Variants in PKP4 observed in about 807,000 individuals in gnomAD.
The protein encoded by PKP4 is plakophilin-4.
Under a neutral mutation model 145.1 loss-of-function variants are expected in PKP4, and 90 were observed. The observed-to-expected ratio is 0.62, with a 90% confidence interval of 0.52 to 0.74. The LOEUF (loss-of-function observed/expected upper bound fraction) is 0.74. Ranked by LOEUF, PKP4 falls within the 30% of genes least tolerant of loss-of-function variation. The pLI is 0.00. For synonymous variants in PKP4, 563 were observed against 577.2 expected (o/e 0.98, Z 0.35); for missense variants, 1,340 against 1,482.7 (o/e 0.90, Z 1.58).
At chr2:158,502,393 G>A (rs1574139269) in intron 1 of PKP4, among the ~76,000 whole-genome samples, 1 of 152,256 alleles carries the variant, frequency 6.6e-6, no homozygotes, top group East Asian at 1.9e-4. Context: ...TTCCAAAGAA[G>A]TTAGAGCCCT....
At chr2:158,535,738 T>A (rs1236169066) in intron 2 of PKP4, among the ~76,000 whole-genome samples, 2 of 152,110 alleles carry the variant, frequency 1.3e-5, no homozygotes, top group South Asian at 2.1e-4. Flanking sequence ...ATTATTTTTT[T>A]AAAAAGCGTC....
At chr2:158,659,256 T>C (rs567178331) in intron 12 of PKP4, 1 of 152,648 alleles carries the variant, frequency 6.6e-6, no homozygotes, top group East Asian at 1.9e-4. Context: ...GATCCCAGAA[T>C]GCAGGCCAGC....
chr2:158,640,856 A>G, intron 10 of PKP4, 97 bp downstream of exon 10: 2 of 1,317,426 alleles, frequency 1.5e-6, no homozygotes, highest in South Asian at 1.3e-5. Context: ...AGTGTAATTC[A>G]AGAGTCTTTT....
In PKP4 at chr2:158,642,613, T is replaced by G. The variant is rs374740305; in HGVS notation, c.1823T>G (p.Ile608Arg). The change falls in exon 11 of 22, where the codon ATA (isoleucine) becomes AGA (arginine). Residue 608 changes from isoleucine (I) to arginine (R), a missense_variant. Transcript: ENST00000389759. Reference protein sequence around the residue: ...VFGKSTDENKIAMKNVGGIPA... With the variant: ...VFGKSTDENKRAMKNVGGIPA... ...GGCAAGTCTACAGATGAAAATAAAA[T>G]AGCAATGAAGAATGTTGGTGGGATA... 1 of 1,613,642 alleles carries G rather than the reference T, an allele frequency of 6.2e-7. No individual in the cohort carries two copies. The highest frequency in any genetic ancestry group is 1.1e-5 in the South Asian group (1 of 91,022).
At chr2:158,460,723 G>A (rs1294403635) in intron 1 of PKP4, among the ~76,000 whole-genome samples, 1 of 152,186 alleles carries the variant, frequency 6.6e-6, no homozygotes, top group Non-Finnish European at 1.5e-5. Context: ...TTACTATAGG[G>A]TTATTTTAGG....
At chr2:158,495,362 AAAAC>A (rs1470117015) in intron 1 of PKP4, among the ~76,000 whole-genome samples, 41 of 147,442 alleles carry the variant, frequency 2.8e-4, no homozygotes, top group Non-Finnish European at 5.0e-4. Context: ...AAAAAAAAAA[AAAAC>A]AACAAAGCCC....
At chr2:158,552,440 A>G (rs2045713649) in intron 2 of PKP4, among the ~76,000 whole-genome samples, 1 of 152,202 alleles carries the variant, frequency 6.6e-6, no homozygotes, top group African/African-American at 2.4e-5. Context: ...CAAATACCTA[A>G]AAATGTGGAA....
At chr2:158,502,242 G>T (rs185665534) in intron 1 of PKP4, among the ~76,000 whole-genome samples, 1 of 152,182 alleles carries the variant, frequency 6.6e-6, no homozygotes, top group Admixed American at 6.5e-5. Flanking sequence ...TGTTCTTGAT[G>T]ATGGTTCCTG....
intron 4 of PKP4, among the ~76,000 whole-genome samples, chr2:158,605,786 C>T (rs1313489288): frequency 1.3e-5 from 2 of 152,122 alleles, no homozygotes; most frequent in African/African-American, 4.8e-5. Context: ...TTAGCTGTCA[C>T]GCCATTTTAC....
At chr2:158,636,254 T>G (rs375105373) in intron 9 of PKP4, among the ~76,000 whole-genome samples, 4 of 152,084 alleles carry the variant, frequency 2.6e-5, no homozygotes, top group East Asian at 3.9e-4. Flanking sequence ...CTGAAAATAT[T>G]TCACTTGTTT....
chr2:158,523,211 C>T (rs2042583119), intron 1 of PKP4, among the ~76,000 whole-genome samples: 2 of 151,164 alleles, frequency 1.3e-5, no homozygotes, highest in Non-Finnish European at 3.0e-5. Flanking sequence ...GCAGTAACCT[C>T]TGCAGACTTA....
At chr2:158,573,301 A>G (rs778055438) in intron 2 of PKP4, among the ~76,000 whole-genome samples, 9 of 152,206 alleles carry the variant, frequency 5.9e-5, no homozygotes, top group Non-Finnish European at 1.2e-4. Context: ...ATACAAAACA[A>G]TGCTGTATCT....
rs114922641 is a variant in PKP4 at position 158,654,955 on chromosome 2, A to G, written c.1910-3176A>G. 2.6e-4 allele frequency among the ~76,000 whole-genome samples: 39 copies of G among 152,338 alleles called. 1 individual carries two copies. Among genetic ancestry groups the G allele is most frequent in the African/African-American group, 8.7e-4 (36 of 41,570 alleles). On this transcript the variant is annotated intron_variant, in intron 11 of 21. Coordinates refer to ENST00000389759, the MANE Select transcript of PKP4 (RefSeq NM_003628.6). ...TGATAGGGTATTTCTTCCTCATTAT[A>G]TAATACTTGCCTAATGAAATTAAAA...
At chr2:158,494,541 G>A (rs773505511) in intron 1 of PKP4, among the ~76,000 whole-genome samples, 6 of 152,070 alleles carry the variant, frequency 3.9e-5, no homozygotes, top group Non-Finnish European at 7.4e-5. Context: ...GGATAGTAAA[G>A]CACTTTAAAA....
chr2:158,544,506 C>A (rs1191053655), intron 2 of PKP4, among the ~76,000 whole-genome samples: 4 of 152,082 alleles, frequency 2.6e-5, no homozygotes, highest in Non-Finnish European at 5.9e-5. Context: ...CGTAAGTATT[C>A]TCTTATCTTC....
chr2:158,517,603 T>C (rs1164308751), intron 1 of PKP4, among the ~76,000 whole-genome samples: 3 of 152,154 alleles, frequency 2.0e-5, no homozygotes, highest in African/African-American at 4.8e-5. Context: ...ATAAATAATA[T>C]TGTTATAAGA....
intron 2 of PKP4, among the ~76,000 whole-genome samples, chr2:158,564,636 A>T (rs1236646134): frequency 6.6e-6 from 1 of 152,104 alleles, no homozygotes; most frequent in Non-Finnish European, 1.5e-5. Flanking sequence ...ATTTCCCCCC[A>T]GTTCCTCACC....
At chr2:158,545,773 T>C (rs2044975788) in intron 2 of PKP4, among the ~76,000 whole-genome samples, 1 of 152,232 alleles carries the variant, frequency 6.6e-6, no homozygotes, top group South Asian at 2.1e-4. Context: ...TTAGTGTTTG[T>C]AAAAATTCTT....
At chr2:158,577,698 C>T (rs75791276) in intron 3 of PKP4, among the ~76,000 whole-genome samples, 3 of 152,254 alleles carry the variant, frequency 2.0e-5, no homozygotes, top group Non-Finnish European at 4.4e-5. Flanking sequence ...AGTTAATTGG[C>T]TGGTGCTTTG....
Sources: gnomAD v4.1 joint callset for allele counts (sites outside exome capture counted in the v4.1 genomes callset) on GRCh38, gnomAD v4.1.1 for gene constraint, MANE v1.5 for transcripts, NCBI Gene and HGNC (gene_info 2026-07-23, HGNC 2026-07-21) for gene names.